Variants in KCNIP1 observed in about 807,000 individuals in gnomAD.
KCNIP1 encodes the protein A-type potassium channel modulatory protein KCNIP1.
In KCNIP1, 18 loss-of-function variants were observed where a neutral mutation model predicts 33.0. The observed-to-expected ratio is 0.55, with a 90% CI of 0.38 to 0.81. The LOEUF is 0.81. KCNIP1 is among the 30% of genes least tolerant of loss of function. The pLI is 0.00. For synonymous variants in KCNIP1, 93 were observed against 98.3 expected, an observed-to-expected ratio of 0.95 and a Z score of 0.32; for missense variants, 238 against 271.6, an observed-to-expected ratio of 0.88 and a Z score of 0.87.
At chr5:170,483,081 G>A (rs1451513001) in intron 1 of KCNIP1, 1 of 454,696 alleles carries the variant, frequency 2.2e-6, no homozygotes, top group South Asian at 1.6e-5. Context: ...AGTGGAACTG[G>A]GGCCCGCAGA....
chr5:170,669,631 T>C, intron 1 of KCNIP1: 1 of 985,400 alleles, frequency 1.0e-6, no homozygotes, highest in Non-Finnish European at 1.2e-6. Flanking sequence ...CATTTTAGAG[T>C]AACTATCTCG....
chr5:170,496,873 C>G (rs1757321126), intron 1 of KCNIP1, among the ~76,000 whole-genome samples: 1 of 152,184 alleles, frequency 6.6e-6, no homozygotes, highest in South Asian at 2.1e-4. Flanking sequence ...CCTTCCAGCT[C>G]CCATCCCTTT....
chr5:170,734,955 G>A (rs1225324977), intron 7 of KCNIP1, among the ~76,000 whole-genome samples: 1 of 152,160 alleles, frequency 6.6e-6, no homozygotes, highest in African/African-American at 2.4e-5. Flanking sequence ...CTCCCACCAT[G>A]GGATCTCTGC....
intron 1 of KCNIP1, among the ~76,000 whole-genome samples, chr5:170,674,973 TTG>T (rs933508562): frequency 3.5e-5 from 4 of 115,572 alleles, no homozygotes; most frequent in African/African-American, 1.2e-4. Context: ...GGGTTTTGTT[TTG>T]TTTTTTTTTT....
At chr5:170,696,583 A>G (rs1241635989) in intron 1 of KCNIP1, among the ~76,000 whole-genome samples, 3 of 152,176 alleles carry the variant, frequency 2.0e-5, no homozygotes, top group African/African-American at 2.4e-5. Context: ...GTACAACTCC[A>G]TGGGCACCAT....
chr5:170,731,030 C>T (rs963179461), intron 5 of KCNIP1, among the ~76,000 whole-genome samples: 18 of 152,226 alleles, frequency 1.2e-4, no homozygotes, highest in African/African-American at 4.3e-4. Context: ...GTAGCTCTTC[C>T]TTACAGAAGA....
intron 1 of KCNIP1, among the ~76,000 whole-genome samples, chr5:170,640,026 G>A (rs1760476441): frequency 6.6e-6 from 1 of 152,218 alleles, no homozygotes; most frequent in South Asian, 2.1e-4. Flanking sequence ...GGCCCAAGTG[G>A]AACCATGGAG....
chr5:170,364,479 T>TA (rs748788887), intron 1 of KCNIP1, among the ~76,000 whole-genome samples: 34 of 152,374 alleles, frequency 2.2e-4, no homozygotes, highest in South Asian at 1.7e-3. Flanking sequence ...ATAATCCCCT[T>TA]ACTGGAAACT....
intron 1 of KCNIP1, among the ~76,000 whole-genome samples, chr5:170,626,238 C>T (rs1195320733): frequency 6.6e-6 from 1 of 152,200 alleles, no homozygotes; most frequent in African/African-American, 2.4e-5. Flanking sequence ...CGTTGTCATG[C>T]AGGTAGGAGC....
chr5:170,384,976 A>G (rs1402273331), intron 1 of KCNIP1, among the ~76,000 whole-genome samples: 2 of 152,250 alleles, frequency 1.3e-5, no homozygotes, highest in Non-Finnish European at 2.9e-5. Context: ...AGCTGTAAAC[A>G]TCTGCAATTC....
chr5:170,645,116 T>C (rs1760734270), intron 1 of KCNIP1, among the ~76,000 whole-genome samples: 1 of 152,050 alleles, frequency 6.6e-6, no homozygotes, highest in South Asian at 2.1e-4. Context: ...GAAAATTAGG[T>C]CCCTGGTTGT....
intron 1 of KCNIP1, among the ~76,000 whole-genome samples, chr5:170,549,705 T>C (rs1040409354): frequency 2.6e-5 from 4 of 152,234 alleles, no homozygotes; most frequent in African/African-American, 9.6e-5. Context: ...TTGAAACTTC[T>C]CTTGGAAACT....
At chr5:170,728,021 C>T (rs895152006) in intron 5 of KCNIP1, among the ~76,000 whole-genome samples, 5 of 152,104 alleles carry the variant, frequency 3.3e-5, no homozygotes, top group Admixed American at 1.3e-4. Flanking sequence ...AGCCCAGTAG[C>T]AGAGAAAGCC....
At chr5:170,541,788 C>CTGCACCTCTCTGAGGTCCATT (rs963506175) in intron 1 of KCNIP1, among the ~76,000 whole-genome samples, 8 of 152,304 alleles carry the variant, frequency 5.3e-5, no homozygotes, top group African/African-American at 1.9e-4. Context: ...TGGCAAGCCT[C>CTGCACCTCTCTGAGGTCCATT]TGCACCTCTC....
intron 1 of KCNIP1, among the ~76,000 whole-genome samples, chr5:170,354,728 C>T (rs558121149): frequency 6.6e-6 from 1 of 152,224 alleles, no homozygotes; most frequent in Non-Finnish European, 1.5e-5. Context: ...CCTCAGGGCC[C>T]AGTCCTGTGT....
rs76762246 is a variant in KCNIP1 at position 170,612,382 on chromosome 5, C to T, written c.62-106376C>T. 7.8e-3 allele frequency among the ~76,000 whole-genome samples: 1,192 copies of T among 152,350 alleles called. 6 individuals carry two copies. The highest frequency in any genetic ancestry group is 0.027 in the African/African-American group (1,113 of 41,584). On this transcript the variant is annotated intron_variant, in intron 1 of 7. Transcript: ENST00000328939. ...GCACAGAGAAATTAAGTGCAATTAG[C>T]GTAACTAAGCCATCACCAGTAAGAG...
chr5:170,363,662 C>T (rs1381041192), intron 1 of KCNIP1, among the ~76,000 whole-genome samples: 1 of 152,218 alleles, frequency 6.6e-6, no homozygotes, highest in Non-Finnish European at 1.5e-5. Flanking sequence ...CCCCATAGAC[C>T]ATTCTTTGCA....
chr5:170,430,145 AG>A (rs1056588893), intron 1 of KCNIP1, among the ~76,000 whole-genome samples: 19 of 152,356 alleles, frequency 1.2e-4, no homozygotes, highest in African/African-American at 4.6e-4. Flanking sequence ...ATCAGGTGAC[AG>A]GAATCATCAG....
intron 1 of KCNIP1, among the ~76,000 whole-genome samples, chr5:170,358,981 G>C (rs1384939008): frequency 6.6e-6 from 1 of 152,150 alleles, no homozygotes; most frequent in South Asian, 2.1e-4. Context: ...TAATTCTGTT[G>C]GTGGGTTTTT....
Sources: allele counts gnomAD v4.1 joint callset (sites outside exome capture counted in the v4.1 genomes callset), GRCh38; gene constraint gnomAD v4.1.1; transcripts MANE v1.5; gene names NCBI Gene and HGNC (gene_info 2026-07-23, HGNC 2026-07-21).